Variants in TMCO4 observed in about 807,000 individuals in gnomAD.
The protein encoded by TMCO4 is transmembrane and coiled-coil domain-containing protein 4.
A neutral mutation model predicts 64.7 loss-of-function variants in TMCO4; 58 were observed. The ratio of observed to expected loss-of-function variants is 0.90; its 90% CI spans 0.73 to 1.12. The LOEUF is 1.12. Among genes scored for constraint, TMCO4 ranks in the 50% most tolerant of loss-of-function variants. The probability of loss-of-function intolerance (pLI) is 0.00; values close to 1 mark genes in which losing one functional copy is unlikely to be tolerated. For synonymous variants in TMCO4, 325 were observed against 346.1 expected, an observed-to-expected ratio of 0.94 and a Z score of 0.68; for missense variants, 780 against 825.9, an observed-to-expected ratio of 0.94 and a Z score of 0.68.
At chr1:19,704,347 G>T (rs2095291051) in intron 13 of TMCO4, among the ~76,000 whole-genome samples, 1 of 152,182 alleles carries the variant, frequency 6.6e-6, no homozygotes, top group Non-Finnish European at 1.5e-5. Context: ...TGCTGAGAAG[G>T]CCCTTAGAGA....
chr1:19,713,690 C>A (rs1165293247), intron 13 of TMCO4, among the ~76,000 whole-genome samples: 1 of 151,898 alleles, frequency 6.6e-6, no homozygotes, highest in Non-Finnish European at 1.5e-5. Context: ...CAGAGTAAGA[C>A]CCTGTCTCTA....
intron 13 of TMCO4, among the ~76,000 whole-genome samples, chr1:19,729,405 C>G (rs566102960): frequency 6.6e-5 from 10 of 151,086 alleles, no homozygotes; most frequent in African/African-American, 2.4e-4. Flanking sequence ...ACCTTGGCCT[C>G]CCAAAGTGCT....
chr1:19,754,616 G>T (rs1449764525), intron 7 of TMCO4, among the ~76,000 whole-genome samples: 1 of 152,196 alleles, frequency 6.6e-6, no homozygotes, highest in Non-Finnish European at 1.5e-5. Context: ...CTGGTGCCAG[G>T]AGCCTGGGAT....
chr1:19,699,514 T>TATATATATATATA (rs1557469801), intron 14 of TMCO4, among the ~76,000 whole-genome samples: 1 of 146,086 alleles, frequency 6.8e-6, no homozygotes, highest in African/African-American at 2.5e-5. Flanking sequence ...TATATATATA[T>TATATATATATATA]TGAGATGGAG....
chr1:19,716,984 C>T (rs1039452976), intron 13 of TMCO4, among the ~76,000 whole-genome samples: 5 of 152,136 alleles, frequency 3.3e-5, no homozygotes, highest in African/African-American at 9.6e-5. Context: ...GCCAGGAGTT[C>T]GAGACCAGCC....
At chr1:19,729,062 C>G (rs2095419624) in intron 13 of TMCO4, among the ~76,000 whole-genome samples, 1 of 152,098 alleles carries the variant, frequency 6.6e-6, no homozygotes, top group African/African-American at 2.4e-5. Flanking sequence ...ATAGAATAAG[C>G]TGTGGGGATA....
rs1031203670 is a variant in TMCO4, at chr1:19,751,401, C to T, written c.516-4141G>A. Among the ~76,000 whole-genome samples, 10 of 152,142 alleles carry T rather than the reference C, an allele frequency of 6.6e-5. 1 individual carries two copies. Among genetic ancestry groups the T allele is most frequent in the African/African-American group, 2.4e-4 (10 of 41,502 alleles). On this transcript the variant is annotated intron_variant, in intron 7 of 15. Coordinates refer to ENST00000294543, the MANE Select transcript of TMCO4 (RefSeq NM_181719.7). The stretch of plus-strand genomic sequence containing the variant: ...TCCCTTCAGCCCAGGAGTTCCAGAA[C>T]AGCCTGGGCAACAGGGTGAAATGCT...
rs191411367 is a variant in TMCO4, at chr1:19,682,495, G to A, written c.*545C>T. 39 of 665,892 alleles carry A rather than the reference G, an allele frequency of 5.9e-5. No individual in the cohort carries two copies. The African/African-American group carries it at 6.6e-4, about 11-fold the overall frequency. The allele number at this position is 665,892 out of a possible 1,614,324, so 41.2% of individuals were successfully genotyped here. On this transcript the variant is annotated 3_prime_UTR_variant, in exon 16 of 16. Coordinates refer to ENST00000294543, the MANE Select transcript of TMCO4 (RefSeq NM_181719.7). ...CTACATGGCTGTACAGGGCAGATCT[G>A]ATTGGATCTCCTAAGAGCAGGAGTG...
intron 10 of TMCO4, among the ~76,000 whole-genome samples, chr1:19,742,920 CA>C (rs576941241): frequency 2.1e-3 from 325 of 152,230 alleles, no homozygotes; most frequent in African/African-American, 7.4e-3. Flanking sequence ...CGTGGTGGCA[CA>C]TGCCTGTAAT....
At chr1:19,771,267 T>C in intron 5 of TMCO4, 41 bp downstream of exon 5, 1 of 1,589,454 alleles carries the variant, frequency 6.3e-7, no homozygotes, top group East Asian at 2.2e-5. Context: ...AAATGATTTG[T>C]TCTACTGTCC....
At chr1:19,739,357 T>C (rs1367315750) in intron 12 of TMCO4, among the ~76,000 whole-genome samples, 1 of 152,234 alleles carries the variant, frequency 6.6e-6, no homozygotes, top group Non-Finnish European at 1.5e-5. Context: ...TTTATACTTC[T>C]GGGAAGGAAC....
chr1:19,732,441 C>T lies in TMCO4; in HGVS notation c.1264+4931G>A, dbSNP rs1461829628. On this transcript the variant is annotated intron_variant, in intron 13 of 15. Transcript: ENST00000294543. This position sits in a 1 kb window ranked among gnomAD's most constrained non-coding sequence, Gnocchi z 4.8. ...TCAGCCTCCCAAAGTGTTGGGATTA[C>T]AGGCATGAGCCACTGGACCTGGCCT... Among the ~76,000 whole-genome samples the T allele has an allele frequency of 6.6e-6, 1 of 151,912 alleles. No individual in the cohort carries two copies. Among genetic ancestry groups the T allele is most frequent in the African/African-American group, 2.4e-5 (1 of 41,394 alleles).
intron 13 of TMCO4, among the ~76,000 whole-genome samples, chr1:19,702,682 T>C (rs1483504326): frequency 6.6e-6 from 1 of 152,206 alleles, no homozygotes; most frequent in Non-Finnish European, 1.5e-5. Flanking sequence ...GGAGATTGCT[T>C]GAGCCCAGGA....
chr1:19,720,005 A>ATTTATT (rs372793810), intron 13 of TMCO4, among the ~76,000 whole-genome samples: 1 of 116,956 alleles, frequency 8.6e-6, no homozygotes, highest in Non-Finnish European at 1.7e-5. Context: ...AAGGAAAATA[A>ATTTATT]TTTTTTTTTT....
chr1:19,702,285 C>CAGAAAAAAAAAAA (rs751695121), intron 13 of TMCO4, among the ~76,000 whole-genome samples: 3 of 102,934 alleles, frequency 2.9e-5, no homozygotes. Context: ...CTTGTCTTTA[C>CAGAAAAAAAAAAA]AAAAAAAAAA....
chr1:19,781,897 T>C (rs1408039030), intron 3 of TMCO4, among the ~76,000 whole-genome samples: 5 of 152,184 alleles, frequency 3.3e-5, no homozygotes, highest in East Asian at 1.9e-4. Flanking sequence ...CCGCCCGCCT[T>C]GGCCTCCCAA....
chr1:19,715,120 G>T (rs2095349463), intron 13 of TMCO4, among the ~76,000 whole-genome samples: 2 of 152,056 alleles, frequency 1.3e-5, no homozygotes, highest in South Asian at 4.2e-4. Flanking sequence ...TACAGTTCCA[G>T]CTACTTGGGG....
chr1:19,757,157 GGC>G (rs2042294203), intron 6 of TMCO4, among the ~76,000 whole-genome samples: 1 of 94,298 alleles, frequency 1.1e-5, no homozygotes, highest in Non-Finnish European at 2.5e-5. Flanking sequence ...CAGGCGTGGT[GGC>G]GGGGGGGGGC....
chr1:19,746,586 A>G lies in TMCO4; in HGVS notation c.627T>C (p.Gly209=). 6.2e-7 allele frequency: 1 copy of G among 1,609,286 alleles called. No homozygotes were observed. Among genetic ancestry groups the G allele is most frequent in the East Asian group, 2.2e-5 (1 of 44,748 alleles). The change falls in exon 9 of 16, where the codon GGT becomes GGC. Residue 209 remains glycine, a synonymous_variant. Coordinates refer to ENST00000294543, the MANE Select transcript of TMCO4 (RefSeq NM_181719.7). ...CAGCGGCAACAAGGGGTGCAGCTAG[A>G]CCTCCAGTCACACCTGTGGGAAAAG... ...GGGTVIGVTG[G]LAAPLVAAGA...
Sources: gnomAD v4.1 joint callset for allele counts (sites outside exome capture counted in the v4.1 genomes callset) on GRCh38, gnomAD v4.1.1 for gene constraint, Gnocchi (gnomAD v3.1) non-coding constraint, MANE v1.5 for transcripts, NCBI Gene and HGNC (gene_info 2026-07-23, HGNC 2026-07-21) for gene names.